The following OBI1 variants were observed in gnomAD, a reference collection of about 807,000 sequenced individuals.
The protein encoded by OBI1 is ORC ubiquitin ligase 1.
In OBI1, 59 loss-of-function variants were observed where a neutral mutation model predicts 62.4. The ratio of observed to expected loss-of-function variants is 0.95; its 90% confidence interval spans 0.77 to 1.17. The LOEUF is 1.17. Among genes scored for constraint, OBI1 ranks in the 50% most tolerant of loss-of-function variants. OBI1 has a pLI of 0.00. For synonymous variants in OBI1, 302 were observed against 292.8 expected (o/e 1.03, Z -0.32); for missense variants, 875 against 830.9 (o/e 1.05, Z -0.65).
chr13:78,628,859 C>A (rs77049165), intron 5 of OBI1, among the ~76,000 whole-genome samples: 7,901 of 151,952 alleles, frequency 0.052, 264 homozygotes, highest in Non-Finnish European at 0.079. Flanking sequence ...CTGGTAAAGG[C>A]ACAAAAAAGA....
At chr13:78,619,428 G>A (rs999089202) in intron 5 of OBI1, among the ~76,000 whole-genome samples, 30 of 151,832 alleles carry the variant, frequency 2.0e-4, no homozygotes, top group African/African-American at 7.0e-4. Flanking sequence ...TTATTTCAGA[G>A]AGAAGTAACA....
intron 5 of OBI1, among the ~76,000 whole-genome samples, chr13:78,629,710 C>T (rs533463216): frequency 9.2e-5 from 14 of 152,270 alleles, no homozygotes; most frequent in African/African-American, 3.4e-4. Context: ...TTCCCTTCAG[C>T]TTCTTCCCTT....
At chr13:78,630,748 ATCTTGGACT>A (rs1455328756) in intron 5 of OBI1, among the ~76,000 whole-genome samples, 2 of 152,156 alleles carry the variant, frequency 1.3e-5, no homozygotes, top group Non-Finnish European at 2.9e-5. Flanking sequence ...TGGCACCTTG[ATCTTGGACT>A]TCTAAGCCTC....
chr13:78,628,670 G>A (rs1566278443), intron 5 of OBI1, among the ~76,000 whole-genome samples: 1 of 152,148 alleles, frequency 6.6e-6, no homozygotes, highest in South Asian at 2.1e-4. Flanking sequence ...TTTTAAGCAG[G>A]AGATTTAAAT....
chr13:78,615,910 T>G lies in OBI1; in HGVS notation c.1851A>C (p.Pro617=), dbSNP rs757411445. 6.2e-7 allele frequency: 1 copy of G among 1,613,898 alleles called. No homozygotes were observed. The highest frequency in any genetic ancestry group is 8.5e-7 in the Non-Finnish European group (1 of 1,179,986). The part of the protein sequence containing the change: ...WKPTSFFLLS[P]SDQEMNEDFS... The stretch of plus-strand genomic sequence containing the variant: ...AATCTTCATTCATTTCTTGGTCAGA[T>G]GGAGAGAGGAGAAAAAAAGAAGTGG... The change falls in exon 6 of 6, where the codon CCA becomes CCC. Residue 617 remains proline, a synonymous_variant. Coordinates refer to ENST00000282003, the MANE Select transcript of OBI1 (RefSeq NM_024546.4).
At chr13:78,639,337 A>T (rs1369598414) in intron 3 of OBI1, among the ~76,000 whole-genome samples, 1 of 152,176 alleles carries the variant, frequency 6.6e-6, no homozygotes, top group Non-Finnish European at 1.5e-5. Context: ...CAAATCTTTG[A>T]TTCTATTTAA....
rs761670452 is a variant in OBI1 at position 78,615,952 on chromosome 13, A to G, written c.1809T>C (p.Asn603=). ...KGSLTNDQLE[N]GSEWKPTSFF... is the part of the protein sequence containing the mutation. ...AAGAAGTGGGTTTCCATTCACTTCC[A>G]TTTTCTAACTGATCATTAGTTAGAG... is the stretch of plus-strand genomic sequence containing the variant. Residue 603 remains asparagine (N), a synonymous_variant, in exon 6 of 6, where the codon AAT becomes AAC. Transcript: ENST00000282003. The G allele has an allele frequency of 6.2e-7, 1 of 1,613,676 alleles. No homozygotes were observed. Among genetic ancestry groups the G allele is most frequent in the Non-Finnish European group, 8.5e-7 (1 of 1,179,880 alleles).
chr13:78,621,260 A>C (rs539712113), intron 5 of OBI1, among the ~76,000 whole-genome samples: 15 of 152,352 alleles, frequency 9.8e-5, no homozygotes, highest in African/African-American at 3.6e-4. Flanking sequence ...AATATGGTTC[A>C]AATTTCAGTT....
chr13:78,619,973 T>G (rs1015212023), intron 5 of OBI1, among the ~76,000 whole-genome samples: 1 of 152,214 alleles, frequency 6.6e-6, no homozygotes, highest in Non-Finnish European at 1.5e-5. Flanking sequence ...TACATTTGAC[T>G]GTTTACTTTA....
At chr13:78,639,866 T>C (rs369112813) in intron 3 of OBI1, among the ~76,000 whole-genome samples, 1 of 129,412 alleles carries the variant, frequency 7.7e-6, no homozygotes, top group African/African-American at 2.9e-5. Context: ...GGGGGAGGGA[T>C]AGCACTGGGA....
intron 4 of OBI1, among the ~76,000 whole-genome samples, chr13:78,637,080 C>T (rs1225126885): frequency 6.6e-6 from 1 of 152,248 alleles, no homozygotes; most frequent in East Asian, 1.9e-4. Context: ...GCTAACCCTT[C>T]TGCATTCTCA....
At chr13:78,639,655 T>C (rs1593795586) in intron 3 of OBI1, among the ~76,000 whole-genome samples, 1 of 147,182 alleles carries the variant, frequency 6.8e-6, no homozygotes, top group South Asian at 2.2e-4. Context: ...TGGAATACTA[T>C]GCAGCCATAA....
chr13:78,649,372 A>T (rs1876478502), intron 1 of OBI1, among the ~76,000 whole-genome samples: 1 of 152,192 alleles, frequency 6.6e-6, no homozygotes, highest in Admixed American at 6.5e-5. Flanking sequence ...TTCAAGAGAG[A>T]GGCAGCGGCC....
intron 5 of OBI1, among the ~76,000 whole-genome samples, chr13:78,632,362 G>T (rs1407170265): frequency 6.6e-6 from 1 of 152,072 alleles, no homozygotes; most frequent in Non-Finnish European, 1.5e-5. Context: ...CAAGCCACTC[G>T]CCTATAACAT....
intron 5 of OBI1, among the ~76,000 whole-genome samples, chr13:78,625,088 C>T (rs1409488902): frequency 1.3e-5 from 2 of 152,188 alleles, no homozygotes; most frequent in Non-Finnish European, 2.9e-5. Context: ...CTCCCCTCTG[C>T]TCCCTTCAAC....
At chr13:78,625,000 C>G (rs977368735) in intron 5 of OBI1, among the ~76,000 whole-genome samples, 2 of 152,200 alleles carry the variant, frequency 1.3e-5, no homozygotes, top group African/African-American at 4.8e-5. Context: ...ACAGACTACT[C>G]TTTTTACTGT....
chr13:78,651,589 G>T (rs1254707611), intron 1 of OBI1, among the ~76,000 whole-genome samples: 1 of 151,648 alleles, frequency 6.6e-6, no homozygotes, highest in Non-Finnish European at 1.5e-5. Flanking sequence ...ATATCCTCCT[G>T]GTCTCTCCAT....
At chr13:78,658,851 G>A (rs905160925) in intron 1 of OBI1, among the ~76,000 whole-genome samples, 198 bp downstream of exon 1, 5 of 152,162 alleles carry the variant, frequency 3.3e-5, no homozygotes, top group African/African-American at 4.8e-5. Context: ...CCTCCGAAAG[G>A]CGCCCAGATG....
intron 4 of OBI1, among the ~76,000 whole-genome samples, chr13:78,637,986 A>C (rs902670355): frequency 1.3e-5 from 2 of 152,244 alleles, no homozygotes; most frequent in Non-Finnish European, 2.9e-5. Context: ...GATAAGATTT[A>C]GTAATTTCAC....
Sources: allele counts gnomAD v4.1 joint callset (sites outside exome capture counted in the v4.1 genomes callset), GRCh38; gene constraint gnomAD v4.1.1; transcripts MANE v1.5; gene names NCBI Gene and HGNC (gene_info 2026-07-23, HGNC 2026-07-21).